PDZD2: variants seen among roughly 807,000 people sequenced by gnomAD.
PDZD2 encodes PDZ domain containing 2.
A neutral mutation model predicts 220.7 loss-of-function variants in PDZD2; 90 were observed. The observed-to-expected ratio is 0.41, with a 90% CI of 0.34 to 0.49. The LOEUF (loss-of-function observed/expected upper bound fraction) is 0.49. Among genes scored for constraint, PDZD2 ranks in the 20% least tolerant of loss-of-function variants. PDZD2 has a pLI of 0.28. For missense variants in PDZD2, 3,174 were observed against 3,608.5 expected, an observed-to-expected ratio of 0.88 and a Z score of 3.08; for synonymous variants, 1,375 against 1,450.5, an observed-to-expected ratio of 0.95 and a Z score of 1.18.
In PDZD2 at chr5:31,908,782, C is replaced by G. The variant is rs1161017441; in HGVS notation, c.477-74373C>G. The G allele has an allele frequency of 5.0e-6, 4 of 802,228 alleles. No homozygotes were observed. In the South Asian group the frequency reaches 5.4e-5, roughly 11 times the overall value. 49.7% of individuals were successfully genotyped at this position (802,228 alleles called of 1,614,324 possible). A position where few individuals can be genotyped will look rare whatever the true frequency, so the allele number is the denominator to read the frequency against. Reference sequence around the variant, plus strand: ...AGTTCTGGCCGGGCGTGGTGGCTCACGCCTATAATCCCAGCACTTTGGGAG... The same window carrying G: ...AGTTCTGGCCGGGCGTGGTGGCTCAGGCCTATAATCCCAGCACTTTGGGAG... On this transcript the variant is annotated intron_variant, in intron 2 of 24. Coordinates refer to ENST00000438447, the MANE Select transcript of PDZD2 (RefSeq NM_178140.4).
chr5:32,102,640 A>G (rs994311790), intron 24 of PDZD2, among the ~76,000 whole-genome samples: 12 of 152,102 alleles, frequency 7.9e-5, no homozygotes, highest in African/African-American at 2.7e-4. Context: ...GAGCCCTCAC[A>G]ACAGAAAGCT....
chr5:31,786,282 C>G (rs10940966), intron 1 of PDZD2, among the ~76,000 whole-genome samples: 79,884 of 151,908 alleles, frequency 0.53, 21,223 homozygotes, highest in East Asian at 0.71. Context: ...GAGGGTGGAG[C>G]TCAGTCTCCG....
chr5:31,797,077 G>A (rs374343687), intron 1 of PDZD2, among the ~76,000 whole-genome samples: 2 of 138,442 alleles, frequency 1.4e-5, no homozygotes, highest in South Asian at 2.3e-4. Context: ...ACAGGCGCCC[G>A]CCACCACACC....
At chr5:31,825,300 G>T (rs981734168) in intron 2 of PDZD2, among the ~76,000 whole-genome samples, 1 of 152,198 alleles carries the variant, frequency 6.6e-6, no homozygotes, top group African/African-American at 2.4e-5. Flanking sequence ...GACGTCAAGA[G>T]GAAGCTGGTT....
At chr5:31,923,805 A>G (rs1744505144) in intron 2 of PDZD2, among the ~76,000 whole-genome samples, 1 of 152,232 alleles carries the variant, frequency 6.6e-6, no homozygotes, top group South Asian at 2.1e-4. Flanking sequence ...CACACTCTGT[A>G]CAGGTGCCTG....
chr5:31,941,809 A>G (rs920966324), intron 2 of PDZD2, among the ~76,000 whole-genome samples: 9 of 152,238 alleles, frequency 5.9e-5, no homozygotes, highest in African/African-American at 2.2e-4. Flanking sequence ...TCATCTTAAA[A>G]GTGAATGGAT....
chr5:31,972,589 G>A (rs1462674544), intron 2 of PDZD2, among the ~76,000 whole-genome samples: 1 of 152,176 alleles, frequency 6.6e-6, no homozygotes, highest in African/African-American at 2.4e-5. Context: ...TGCCTGGCTT[G>A]TAGTAGTTAT....
chr5:32,098,716 C>T lies in PDZD2; in HGVS notation c.8218+82C>T. ...TCTGGTTGAACATGAAGGAAAATAA[C>T]AGCTAACTAACTTCTAGATCTGAAA... On this transcript the variant is annotated intron_variant, in intron 23 of 24. Coordinates refer to ENST00000438447, the MANE Select transcript of PDZD2 (RefSeq NM_178140.4). The surrounding 1 kb of genome is among the most constrained non-coding windows in gnomAD (Gnocchi z 4.1). 2 of 1,259,088 alleles carry T rather than the reference C, an allele frequency of 1.6e-6. No individual in the cohort carries two copies. Among genetic ancestry groups the T allele is most frequent in the Admixed American group, 2.5e-5 (1 of 39,970 alleles). 78.0% of individuals were successfully genotyped at this position (1,259,088 alleles called of 1,614,324 possible).
rs144937294 is a variant in PDZD2 at position 31,845,619 on chromosome 5, G to A, written c.476+45895G>A. On this transcript the variant is annotated intron_variant, in intron 2 of 24. Transcript: ENST00000438447. ...AGAGAAGTGGCAGGAAGTAAGATCC[G>A]GACAGATAGCATTGGGTAGCAATTA... is the stretch of plus-strand genomic sequence containing the variant. Among the ~76,000 whole-genome samples the A allele has an allele frequency of 2.6e-3, 399 of 152,280 alleles. 4 individuals are homozygous for A. Among genetic ancestry groups the A allele is most frequent in the African/African-American group, 9.2e-3 (382 of 41,560 alleles).
In PDZD2 at chr5:32,088,827, C is replaced by T. The variant is rs1183176950; in HGVS notation, c.5379C>T (p.Ile1793=). 5.0e-6 allele frequency: 8 copies of T among 1,613,784 alleles called. No individual in the cohort carries two copies. Among genetic ancestry groups the T allele is most frequent in the Admixed American group, 1.7e-5 (1 of 59,956 alleles). ...ACTTGCTACAGAAACCAAAAATGAT[C>T]GCTAGGAGGCCCATCATGGCCTGGT... is the stretch of plus-strand genomic sequence containing the variant. ...LDDLLQKPKM[I]ARRPIMAWFK... The change falls in exon 20 of 25, where the codon ATC becomes ATT. Residue 1793 remains isoleucine (I), a synonymous_variant. Transcript: ENST00000438447. This position sits in a 1 kb window ranked among gnomAD's most constrained non-coding sequence, Gnocchi z 4.6.
intron 2 of PDZD2, among the ~76,000 whole-genome samples, chr5:31,880,791 C>CTTTTTCCTTT (rs1739798959): frequency 2.6e-5 from 2 of 76,486 alleles, no homozygotes; most frequent in African/African-American, 1.3e-4. Flanking sequence ...TTTTTTTTTT[C>CTTTTTCCTTT]TTTTTTTTTT....
chr5:31,789,737 G>A (rs1447222537), intron 1 of PDZD2, among the ~76,000 whole-genome samples: 3 of 152,182 alleles, frequency 2.0e-5, no homozygotes, highest in Admixed American at 2.0e-4. Context: ...TGGCCAACGT[G>A]GTGAAACCCC....
chr5:32,035,221 TTACTC>T (rs1466231035), intron 6 of PDZD2, among the ~76,000 whole-genome samples: 11 of 152,180 alleles, frequency 7.2e-5, no homozygotes, highest in African/African-American at 2.7e-4. Context: ...ACCTACGTAA[TTACTC>T]TAACTGCTTA....
chr5:31,667,052 C>T (rs1195083704), intron 1 of PDZD2, among the ~76,000 whole-genome samples: 3 of 151,782 alleles, frequency 2.0e-5, no homozygotes, highest in East Asian at 1.9e-4. Flanking sequence ...CTGGCTAACA[C>T]GGTGAAACCC....
chr5:32,073,934 C>T lies in PDZD2; in HGVS notation c.2828C>T (p.Ala943Val), dbSNP rs1376398054. Residue 943 changes from alanine to valine, a missense_variant, in exon 18 of 25, where the codon GCC (alanine) becomes GTC (valine). By Grantham distance (64) the Ala-to-Val change is moderately conservative. Transcript: ENST00000438447. ...AAGCAGGTGACAGTTGCCAGACAAG[C>T]CAGTCTCCCCGGAAGCCCACAGGCC... Reference protein sequence around the residue: ...FHKQVTVARQASLPGSPQALR... With the variant: ...FHKQVTVARQVSLPGSPQALR... 1 of 1,613,924 alleles carries T rather than the reference C, an allele frequency of 6.2e-7. No homozygotes were observed. Among genetic ancestry groups the T allele is most frequent in the Non-Finnish European group, 8.5e-7 (1 of 1,179,922 alleles).
intron 1 of PDZD2, among the ~76,000 whole-genome samples, chr5:31,680,907 G>T (rs1247209628): frequency 6.6e-6 from 1 of 152,144 alleles, no homozygotes; most frequent in Non-Finnish European, 1.5e-5. Flanking sequence ...GATCTAGCTT[G>T]TGCTTCCCTA....
chr5:31,736,055 G>A (rs1194626995), intron 1 of PDZD2, among the ~76,000 whole-genome samples: 1 of 152,130 alleles, frequency 6.6e-6, no homozygotes, highest in African/African-American at 2.4e-5. Context: ...GGGGGCAGAG[G>A]GATGCAGTAA....
chr5:32,074,044 G>C lies in PDZD2; in HGVS notation c.2938G>C (p.Gly980Arg), dbSNP rs766752494. The C allele has an allele frequency of 2.5e-6, 4 of 1,613,890 alleles. No homozygotes were observed. The South Asian group carries it at 4.4e-5, about 18-fold the overall frequency. ...TGATGAGGAAGAGTTTGACAGAGAA[G>C]GGGACTGCATTTCACTCCCAGGGGC... ...ASDEEEFDRE[G>R]DCISLPGALP... Residue 980 changes from glycine to arginine, a missense_variant, in exon 18 of 25, where the codon GGG becomes CGG. Physicochemically the swap from Gly to Arg is moderately radical, Grantham distance 125. Around this residue, in one of 4 missense-constraint regions of PDZD2, gnomAD observed 1,861 missense variants for 2,001.0 expected, o/e 0.93. Coordinates refer to ENST00000438447, the MANE Select transcript of PDZD2 (RefSeq NM_178140.4).
intron 13 of PDZD2, 37 bp downstream of exon 13, chr5:32,059,393 G>C: frequency 9.6e-7 from 1 of 1,044,980 alleles, no homozygotes; most frequent in Non-Finnish European, 1.5e-6. Context: ...GTTCTGGAGT[G>C]TTCATAAATA....
Sources: gnomAD v4.1 joint callset for allele counts (sites outside exome capture counted in the v4.1 genomes callset) on GRCh38, gnomAD v4.1.1 for gene constraint, gnomAD v4.1.1 regional missense constraint, Gnocchi (gnomAD v3.1) non-coding constraint, MANE v1.5 for transcripts, NCBI Gene and HGNC (gene_info 2026-07-23, HGNC 2026-07-21) for gene names.